PCDHGA2: variants seen among roughly 807,000 people sequenced by gnomAD.
PCDHGA2 encodes protocadherin gamma subfamily A, 2, also known as protocadherin gamma-A2.
Under a neutral mutation model 59.2 loss-of-function variants are expected in PCDHGA2, and 40 were observed. The ratio of observed to expected loss-of-function variants is 0.68; its 90% CI spans 0.52 to 0.88. The LOEUF is 0.88. Among genes scored for constraint, PCDHGA2 ranks in the 40% least tolerant of loss-of-function variants. The probability of loss-of-function intolerance (pLI) is 0.00; values close to 1 mark genes in which losing one functional copy is unlikely to be tolerated. For missense variants in PCDHGA2, 1,226 were observed against 1,204.0 expected, an observed-to-expected ratio of 1.02 and a Z score of -0.27; for synonymous variants, 560 against 526.0, an observed-to-expected ratio of 1.06 and a Z score of -0.89.
At chr5:141,376,310 G>T in intron 1 of PCDHGA2, 1 of 1,613,946 alleles carries the variant, frequency 6.2e-7, no homozygotes, top group Non-Finnish European at 8.5e-7. Context: ...CTTTGTGGGC[G>T]TGGAAGGGGT....
intron 1 of PCDHGA2, chr5:141,421,710 A>G (rs781498853): frequency 1.2e-6 from 2 of 1,613,940 alleles, no homozygotes; most frequent in South Asian, 2.2e-5. Flanking sequence ...CTAGGGATCC[A>G]GATGTGGGCG....
chr5:141,353,686 G>A (rs933691588), intron 1 of PCDHGA2, among the ~76,000 whole-genome samples: 3 of 152,112 alleles, frequency 2.0e-5, no homozygotes, highest in African/African-American at 7.2e-5. Context: ...GGTTTATAAA[G>A]CGTTTTCCAT....
chr5:141,430,805 C>T (rs1445689047), intron 1 of PCDHGA2: 2 of 1,525,722 alleles, frequency 1.3e-6, no homozygotes, highest in Admixed American at 2.3e-5. Flanking sequence ...GCTTGTCCTG[C>T]TGGGAATCCT....
At chr5:141,404,041 A>G in intron 1 of PCDHGA2, 1 of 1,613,936 alleles carries the variant, frequency 6.2e-7, no homozygotes, top group Non-Finnish European at 8.5e-7. Context: ...CACCTCAGGG[A>G]ACAGTAATTC....
chr5:141,384,606 A>G (rs770325322), intron 1 of PCDHGA2: 1 of 1,614,152 alleles, frequency 6.2e-7, no homozygotes, highest in Admixed American at 1.7e-5. Context: ...CCCTCCCCAC[A>G]GATGGTTCTA....
At chr5:141,475,959 A>T (rs963363028) in intron 1 of PCDHGA2, 15 of 817,720 alleles carry the variant, frequency 1.8e-5, no homozygotes, top group East Asian at 2.6e-5. Context: ...GCGCCCCGGG[A>T]TGAGGCAGAG....
At chr5:141,442,974 A>C (rs1444888648) in intron 1 of PCDHGA2, among the ~76,000 whole-genome samples, 1 of 152,176 alleles carries the variant, frequency 6.6e-6, no homozygotes, top group Non-Finnish European at 1.5e-5. Flanking sequence ...CTGGCTGATA[A>C]AGTTAGCCTA....
rs779250544 is a variant in PCDHGA2, at chr5:141,432,639, G to A, written c.2425-62168G>A. The A allele has an allele frequency of 1.2e-6, 2 of 1,613,816 alleles. No homozygotes were observed. Among genetic ancestry groups the A allele is most frequent in the Non-Finnish European group, 1.7e-6 (2 of 1,179,934 alleles). On this transcript the variant is annotated intron_variant, in intron 1 of 3. Coordinates refer to ENST00000394576, the MANE Select transcript of PCDHGA2 (RefSeq NM_018915.4). This position sits in a 1 kb window ranked among gnomAD's most constrained non-coding sequence, Gnocchi z 6.0. Reference sequence around the variant, plus strand: ...GTGGGTCTGCACACGGGCGAGGTGCGCACGGCGCGAGCCCTGCTGGACAGA... The same window carrying A: ...GTGGGTCTGCACACGGGCGAGGTGCACACGGCGCGAGCCCTGCTGGACAGA...
At chr5:141,382,318 T>C (rs1233432296) in intron 1 of PCDHGA2, among the ~76,000 whole-genome samples, 2 of 152,250 alleles carry the variant, frequency 1.3e-5, no homozygotes, top group Non-Finnish European at 2.9e-5. Context: ...TACACTGATG[T>C]AAATATTTTC....
rs1219629939 is a variant in PCDHGA2, at chr5:141,350,541, G to A, written c.2424+9146G>A. 3 of 1,614,068 alleles carry A rather than the reference G, an allele frequency of 1.9e-6. No homozygotes were observed. The South Asian group carries it at 3.3e-5, about 18-fold the overall frequency. ...AGGATAGATCGAGAGAAGATTTGCG[G>A]AAGGAAACTTGAGTGTGCACTAGAA... On this transcript the variant is annotated intron_variant, in intron 1 of 3. Transcript: ENST00000394576.
chr5:141,366,052 C>A (rs1237553025), intron 1 of PCDHGA2: 2 of 1,614,248 alleles, frequency 1.2e-6, no homozygotes, highest in Admixed American at 1.7e-5. Context: ...GTTCCACGGG[C>A]GTGGAGCTGG....
chr5:141,409,195 T>G lies in PCDHGA2; in HGVS notation c.2424+67800T>G, dbSNP rs750681435. 3.7e-6 allele frequency: 6 copies of G among 1,613,890 alleles called. No homozygotes were observed. The African/African-American group carries it at 8.0e-5, about 22-fold the overall frequency. On this transcript the variant is annotated intron_variant, in intron 1 of 3. Transcript: ENST00000394576. Reference sequence around the variant, plus strand: ...ACGGAGGTGGTCTCTCTACCCAGTGTAAAGTAATCATAGAAATCCTTGATG... The same window carrying G: ...ACGGAGGTGGTCTCTCTACCCAGTGGAAAGTAATCATAGAAATCCTTGATG...
chr5:141,470,538 A>G (rs2099232733), intron 1 of PCDHGA2, among the ~76,000 whole-genome samples: 1 of 152,140 alleles, frequency 6.6e-6, no homozygotes, highest in African/African-American at 2.4e-5. Context: ...GTATCAGGTA[A>G]TATTTATTGA....
intron 1 of PCDHGA2, chr5:141,415,164 G>A: frequency 1.9e-6 from 3 of 1,613,838 alleles, no homozygotes; most frequent in African/African-American, 2.7e-5. Flanking sequence ...CCACTGTCAC[G>A]CTCACCGTGG....
At chr5:141,441,680 C>T in intron 1 of PCDHGA2, 1 of 295,840 alleles carries the variant, frequency 3.4e-6, no homozygotes, top group South Asian at 2.8e-5. Context: ...GCGCCTTCGA[C>T]CAAGAGCAGC....
chr5:141,427,960 G>A, intron 1 of PCDHGA2: 2 of 1,589,168 alleles, frequency 1.3e-6, no homozygotes, highest in East Asian at 2.2e-5. Context: ...AATGTGCCGC[G>A]GGTGCTGTAC....
chr5:141,399,721 G>C, intron 1 of PCDHGA2: 1 of 1,613,292 alleles, frequency 6.2e-7, no homozygotes, highest in Non-Finnish European at 8.5e-7. Flanking sequence ...ACAGGCCCGC[G>C]ACCAGGGCTC....
At chr5:141,456,821 A>G (rs1432134342) in intron 1 of PCDHGA2, among the ~76,000 whole-genome samples, 2 of 151,744 alleles carry the variant, frequency 1.3e-5, no homozygotes, top group Admixed American at 6.6e-5. Context: ...AAAATTAGCC[A>G]TCGTGGTAGT....
chr5:141,490,896 G>C lies in PCDHGA2; in HGVS notation c.2425-3911G>C. The stretch of plus-strand genomic sequence containing the variant: ...TGCATGCCAACACATCTCTGCATGT[G>C]TTTGTCCTAGACGAGAATGATAATG... On this transcript the variant is annotated intron_variant, in intron 1 of 3. Coordinates refer to ENST00000394576, the MANE Select transcript of PCDHGA2 (RefSeq NM_018915.4). This position sits in a 1 kb window ranked among gnomAD's most constrained non-coding sequence, Gnocchi z 5.4. 2.5e-6 allele frequency: 4 copies of C among 1,613,938 alleles called. No homozygotes were observed. The highest frequency in any genetic ancestry group is 3.4e-6 in the Non-Finnish European group (4 of 1,179,922).
Sources: gnomAD v4.1 joint callset for allele counts (sites outside exome capture counted in the v4.1 genomes callset) on GRCh38, gnomAD v4.1.1 for gene constraint, Gnocchi (gnomAD v3.1) non-coding constraint, MANE v1.5 for transcripts, NCBI Gene and HGNC (gene_info 2026-07-23, HGNC 2026-07-21) for gene names.